Variants in REV3L observed in about 807,000 individuals in gnomAD.
REV3L encodes REV3 like, DNA directed polymerase zeta catalytic subunit, also known as DNA polymerase zeta catalytic subunit.
REV3L carries 69 observed loss-of-function variants against 299.4 expected under a neutral mutation model. The ratio of observed to expected loss-of-function variants is 0.23; its 90% CI spans 0.19 to 0.28. REV3L has a LOEUF of 0.28. REV3L is among the 10% of genes least tolerant of loss of function. REV3L has a pLI of 1.00. For synonymous variants in REV3L, 1,238 were observed against 1,271.4 expected (o/e 0.97, Z 0.56); for missense variants, 3,128 against 3,693.8 (o/e 0.85, Z 3.97).
Position 111,373,009 on chromosome 6 carries a change from T to C in REV3L, c.5346A>G (p.Val1782=). 6.2e-7 allele frequency: 1 copy of C among 1,614,172 alleles called. No homozygotes were observed. The highest frequency in any genetic ancestry group is 8.5e-7 in the Non-Finnish European group (1 of 1,180,000). The change falls in exon 13 of 32, where the codon GTA becomes GTG. Residue 1782 remains valine (V), a synonymous_variant. Coordinates refer to ENST00000368802, the MANE Select transcript of REV3L (RefSeq NM_001372078.1). ...GGAGGCTAAGAAACACTTCTTTGCT[T>C]ACTGAACTCCTATTCAATCTAGATT... ...SEKSRLNRSS[V]SKEVFLSLPQ...
intron 16 of REV3L, among the ~76,000 whole-genome samples, chr6:111,363,160 T>C (rs1289155772): frequency 6.6e-6 from 1 of 152,242 alleles, no homozygotes; most frequent in Non-Finnish European, 1.5e-5. Flanking sequence ...GTAGAGAGTA[T>C]ATGAGTGAAT....
At chr6:111,431,248 C>T (rs1213358777) in intron 1 of REV3L, 1 of 1,531,646 alleles carries the variant, frequency 6.5e-7, no homozygotes, top group African/African-American at 1.4e-5. Context: ...TTCCAGGACC[C>T]TACAAGAGAT....
intron 4 of REV3L, among the ~76,000 whole-genome samples, chr6:111,393,540 T>C (rs866257644): frequency 3.3e-5 from 5 of 152,310 alleles, no homozygotes; most frequent in Middle Eastern, 3.4e-3. Flanking sequence ...TTGAAATATA[T>C]AATGTATTGT....
At chr6:111,388,323 C>G (rs1354768487) in intron 7 of REV3L, among the ~76,000 whole-genome samples, 2 of 152,074 alleles carry the variant, frequency 1.3e-5, no homozygotes, top group Non-Finnish European at 2.9e-5. Flanking sequence ...TAATCTAAAT[C>G]TAAAACAGAA....
At chr6:111,301,095 G>A (rs1562470736) in intron 31 of REV3L, among the ~76,000 whole-genome samples, 1 of 152,114 alleles carries the variant, frequency 6.6e-6, no homozygotes, top group Non-Finnish European at 1.5e-5. Flanking sequence ...TGGCCACTCT[G>A]GGAGTGTCTG....
rs1315065864 is a variant in REV3L, at chr6:111,373,073, G to A, written c.5282C>T (p.Ser1761Phe). The A allele has an allele frequency of 6.2e-7, 1 of 1,614,134 alleles. No homozygotes were observed. Among genetic ancestry groups the A allele is most frequent in the Non-Finnish European group, 8.5e-7 (1 of 1,180,014 alleles). Reference protein sequence around the residue: ...LTTRSNSIMDSFCVQQAEDCL... With the variant: ...LTTRSNSIMDFFCVQQAEDCL... Reference sequence around the variant, plus strand: ...GTCTTCTGCCTGCTGAACACAGAAAGAATCCATTATTGAGTTAGACCGAGT... The same window carrying A: ...GTCTTCTGCCTGCTGAACACAGAAAAAATCCATTATTGAGTTAGACCGAGT... Residue 1761 changes from serine (S) to phenylalanine (F), a missense_variant, in exon 13 of 32, where the codon TCT (serine) becomes TTT (phenylalanine). Ser to Phe is a radical substitution (Grantham distance 155, BLOSUM62 -2). Coordinates refer to ENST00000368802, the MANE Select transcript of REV3L (RefSeq NM_001372078.1).
At chr6:111,322,793 G>T in intron 25 of REV3L, 115 bp from the exon 26 acceptor site, 1 of 765,942 alleles carries the variant, frequency 1.3e-6, no homozygotes, top group African/African-American at 1.8e-5. Context: ...AACGAGAAAA[G>T]AACGTAAAAA....
chr6:111,390,616 A>T (rs1781824796), intron 5 of REV3L, among the ~76,000 whole-genome samples: 1 of 152,220 alleles, frequency 6.6e-6, no homozygotes, highest in Non-Finnish European at 1.5e-5. Context: ...AGGGAAGGTG[A>T]GCACACTGAG....
Position 111,358,874 on chromosome 6 carries a change from T to C in REV3L, c.7020A>G (p.Thr2340=), listed in dbSNP as rs776328829. 5.6e-6 allele frequency: 9 copies of C among 1,614,146 alleles called. No individual in the cohort carries two copies. The highest frequency in any genetic ancestry group is 4.5e-5 in the East Asian group (2 of 44,872). ...SDTPLPDTEK[T]ELTGVIVIDK... ...CAATCACTATTACACCTGTGAGTTC[T>C]GTTTTTTCTGTATCTGGCAGTGGAG... Residue 2340 remains threonine (T), a synonymous_variant, in exon 17 of 32, where the codon ACA becomes ACG. Coordinates refer to ENST00000368802, the MANE Select transcript of REV3L (RefSeq NM_001372078.1).
At chr6:111,477,641 G>C (rs1173665234) in intron 1 of REV3L, among the ~76,000 whole-genome samples, 1 of 152,202 alleles carries the variant, frequency 6.6e-6, no homozygotes, top group African/African-American at 2.4e-5. Context: ...GTCATGACTA[G>C]ACAGAAAGGT....
intron 1 of REV3L, among the ~76,000 whole-genome samples, chr6:111,462,503 T>C (rs1790912308): frequency 6.6e-6 from 1 of 152,184 alleles, no homozygotes; most frequent in South Asian, 2.1e-4. Context: ...TCTATTAAGT[T>C]GGAGACTTCA....
At chr6:111,385,726 A>T (rs1170863183) in intron 9 of REV3L, among the ~76,000 whole-genome samples, 1 of 152,152 alleles carries the variant, frequency 6.6e-6, no homozygotes, top group Non-Finnish European at 1.5e-5. Flanking sequence ...AGTATAACTG[A>T]TAAAGACTTA....
intron 28 of REV3L, chr6:111,312,927 T>C (rs1407120019): frequency 6.5e-6 from 1 of 153,308 alleles, no homozygotes; most frequent in African/African-American, 2.4e-5. Context: ...CTCCAGGCAA[T>C]AGGCAGGAAA....
At chr6:111,418,911 A>G (rs1582913354) in intron 1 of REV3L, among the ~76,000 whole-genome samples, 1 of 152,228 alleles carries the variant, frequency 6.6e-6, no homozygotes, top group African/African-American at 2.4e-5. Flanking sequence ...ACCCACAACA[A>G]AACAGAATAA....
At chr6:111,376,789 A>G in intron 12 of REV3L, 32 bp from the exon 13 acceptor site, 1 of 1,471,128 alleles carries the variant, frequency 6.8e-7, no homozygotes, top group South Asian at 1.5e-5. Flanking sequence ...AGTTTATTTC[A>G]TTTTACTCTT....
intron 4 of REV3L, among the ~76,000 whole-genome samples, chr6:111,397,406 T>G (rs1048786384): frequency 6.6e-6 from 1 of 152,154 alleles, no homozygotes; most frequent in Non-Finnish European, 1.5e-5. Context: ...TTCCATGTAT[T>G]GGTACAGTTT....
chr6:111,461,661 A>G (rs1166839040), intron 1 of REV3L, among the ~76,000 whole-genome samples: 1 of 152,096 alleles, frequency 6.6e-6, no homozygotes, highest in East Asian at 1.9e-4. Flanking sequence ...ATGGGAGTAT[A>G]GAACTATAAG....
In REV3L at chr6:111,299,931, G is replaced by C. The variant is rs778769599; in HGVS notation, c.*85C>G. Reference sequence around the variant, plus strand: ...AACAGACAGTGAACATCCTTGACTCGATGAAAGTTAAAAAGCACCATGCAC... The same window carrying C: ...AACAGACAGTGAACATCCTTGACTCCATGAAAGTTAAAAAGCACCATGCAC... On this transcript the variant is annotated 3_prime_UTR_variant, in exon 32 of 32. Coordinates refer to ENST00000368802, the MANE Select transcript of REV3L (RefSeq NM_001372078.1). The C allele has an allele frequency of 4.5e-6, 6 of 1,325,620 alleles. No homozygotes were observed. Among genetic ancestry groups the C allele is most frequent in the Non-Finnish European group, 6.2e-6 (6 of 971,642 alleles). 82.1% of individuals were successfully genotyped at this position (1,325,620 alleles called of 1,614,324 possible).
At chr6:111,397,679 C>T (rs1309419335) in intron 4 of REV3L, among the ~76,000 whole-genome samples, 1 of 152,044 alleles carries the variant, frequency 6.6e-6, no homozygotes, top group Non-Finnish European at 1.5e-5. Context: ...GTTCTGTCAC[C>T]AGGCTGCAGT....
Sources: allele counts gnomAD v4.1 joint callset (sites outside exome capture counted in the v4.1 genomes callset), GRCh38; gene constraint gnomAD v4.1.1; transcripts MANE v1.5; gene names NCBI Gene and HGNC (gene_info 2026-07-23, HGNC 2026-07-21).